The following ENTREP2 variants were observed in gnomAD, a reference collection of about 807,000 sequenced individuals.
ENTREP2 encodes protein ENTREP2.
chr15:29,661,554 A>C, the ENTREP2 span, among the ~76,000 whole-genome samples: 6 of 152,168 alleles, frequency 3.9e-5, no homozygotes, highest in East Asian at 1.9e-4. Flanking sequence ...GTTTTAATTC[A>C]GCTGGCTAAT....
chr15:29,132,218 G>A, the ENTREP2 span, among the ~76,000 whole-genome samples: 2 of 152,142 alleles, frequency 1.3e-5, no homozygotes, highest in Non-Finnish European at 2.9e-5. Context: ...GCTGTGAAGG[G>A]GTGCTCCTTG....
the ENTREP2 span, among the ~76,000 whole-genome samples, chr15:29,583,676 G>A: frequency 2.0e-5 from 3 of 152,234 alleles, no homozygotes; most frequent in African/African-American, 4.8e-5. Flanking sequence ...AAAAAGTAAG[G>A]ATGCAGATAA....
chr15:29,325,090 T>C, the ENTREP2 span, among the ~76,000 whole-genome samples: 1 of 152,160 alleles, frequency 6.6e-6, no homozygotes, highest in Non-Finnish European at 1.5e-5. Context: ...CTAAATAGCA[T>C]ATGGTTGAAA....
chr15:29,269,565 G>C, the ENTREP2 span: 1 of 1,528,310 alleles, frequency 6.5e-7, no homozygotes, highest in South Asian at 1.2e-5. Flanking sequence ...ACGTGCTCGG[G>C]GCCTCCTCGG....
At chr15:29,128,903 G>A in the ENTREP2 span, 12 of 1,457,462 alleles carry the variant, frequency 8.2e-6, no homozygotes, top group East Asian at 2.5e-5. Context: ...CGGCTGGTCC[G>A]TGGGAACGCA....
the ENTREP2 span, among the ~76,000 whole-genome samples, chr15:29,438,836 C>T: frequency 2.3e-3 from 349 of 152,214 alleles, 2 homozygotes; most frequent in African/African-American, 7.8e-3. Context: ...TGCCATGAGA[C>T]AGAGGAACAG....
the ENTREP2 span, among the ~76,000 whole-genome samples, chr15:29,474,279 C>T: frequency 4.6e-5 from 7 of 152,000 alleles, no homozygotes; most frequent in African/African-American, 9.7e-5. Flanking sequence ...CAGGCTGGGG[C>T]GGGGGCCATC....
the ENTREP2 span, among the ~76,000 whole-genome samples, chr15:29,546,048 T>C: frequency 6.6e-6 from 1 of 152,224 alleles, no homozygotes; most frequent in Admixed American, 6.5e-5. Context: ...CAGAACCTTC[T>C]ATCTCAACAA....
the ENTREP2 span, among the ~76,000 whole-genome samples, chr15:29,158,908 T>C: frequency 6.6e-6 from 1 of 152,216 alleles, no homozygotes; most frequent in Non-Finnish European, 1.5e-5. Context: ...TGATAAATTA[T>C]TTTGAAAATC....
chr15:29,674,501 C>A, the ENTREP2 span, among the ~76,000 whole-genome samples: 2 of 152,140 alleles, frequency 1.3e-5, no homozygotes, highest in Non-Finnish European at 2.9e-5. Context: ...AACCCCTGAC[C>A]TCGTGATCCG....
At chr15:29,238,044 A>G in the ENTREP2 span, among the ~76,000 whole-genome samples, 4 of 152,322 alleles carry the variant, frequency 2.6e-5, no homozygotes, top group South Asian at 4.1e-4. Flanking sequence ...GTACTGATAC[A>G]TGCTGCAATA....
chr15:29,373,932 G>C, the ENTREP2 span: 1 of 151,954 alleles, frequency 6.6e-6, no homozygotes, highest in Admixed American at 6.6e-5. Context: ...TTACAAAATA[G>C]GTGCACTATG....
At chr15:29,342,081 T>G in the ENTREP2 span, among the ~76,000 whole-genome samples, 1 of 152,268 alleles carries the variant, frequency 6.6e-6, no homozygotes, top group Non-Finnish European at 1.5e-5. Context: ...TGAGGCAGAT[T>G]CCAACCCTTG....
At chr15:29,534,230 C>A in the ENTREP2 span, among the ~76,000 whole-genome samples, 1 of 151,604 alleles carries the variant, frequency 6.6e-6, no homozygotes, top group African/African-American at 2.4e-5. Flanking sequence ...CTTTTACAAC[C>A]CTAACTACTG....
chr15:29,155,293 A>G, the ENTREP2 span, among the ~76,000 whole-genome samples: 3 of 113,298 alleles, frequency 2.6e-5, no homozygotes, highest in Non-Finnish European at 5.1e-5. Context: ...TAAAAAGAAA[A>G]AAAAAAAAAA....
the ENTREP2 span, chr15:29,614,047 G>C: frequency 6.5e-6 from 1 of 152,884 alleles, no homozygotes; most frequent in Non-Finnish European, 1.5e-5. Context: ...TGCTAACAAC[G>C]GTCAAGACAG....
At chr15:29,449,761 G>A in the ENTREP2 span, among the ~76,000 whole-genome samples, 1 of 152,206 alleles carries the variant, frequency 6.6e-6, no homozygotes, top group Non-Finnish European at 1.5e-5. Flanking sequence ...TCCACTTCAT[G>A]GTTTTAATTA....
At chr15:29,550,813 A>C in the ENTREP2 span, among the ~76,000 whole-genome samples, 1 of 152,184 alleles carries the variant, frequency 6.6e-6, no homozygotes, top group Admixed American at 6.6e-5. Context: ...CTCACGCAGC[A>C]AACATTTAGT....
chr15:29,364,903 G>C, the ENTREP2 span, among the ~76,000 whole-genome samples: 1 of 152,132 alleles, frequency 6.6e-6, no homozygotes, highest in Admixed American at 6.5e-5. Flanking sequence ...AACAACTGGT[G>C]AACCTACATT....
Sources: allele counts gnomAD v4.1 joint callset (sites outside exome capture counted in the v4.1 genomes callset), GRCh38; gene constraint gnomAD v4.1.1; transcripts MANE v1.5; gene names NCBI Gene and HGNC (gene_info 2026-07-23, HGNC 2026-07-21).